MRE11: variants seen among roughly 807,000 people sequenced by gnomAD.
MRE11 encodes the protein double-strand break repair protein MRE11.
MRE11 carries 62 observed loss-of-function variants against 91.7 expected under a neutral mutation model. That is an observed-to-expected ratio of 0.68 (90% confidence interval 0.55 to 0.84). The LOEUF (loss-of-function observed/expected upper bound fraction) is 0.84. MRE11 is among the 40% of genes least tolerant of loss of function. MRE11 has a pLI of 0.00. For missense variants in MRE11, 796 were observed against 852.9 expected (o/e 0.93, Z 0.83); for synonymous variants, 273 against 271.4 (o/e 1.01, Z -0.06).
At position 94,419,966 on chromosome 11, in the gene MRE11, A is replaced by G. The variant is rs1411757660; in HGVS notation, c.*159T>C. 1 of 532,884 alleles carries G rather than the reference A, an allele frequency of 1.9e-6. No individual in the cohort carries two copies. Among genetic ancestry groups the G allele is most frequent in the African/African-American group, 1.9e-5 (1 of 52,814 alleles). 33.0% of individuals were successfully genotyped at this position (532,884 alleles called of 1,614,324 possible). The stretch of plus-strand genomic sequence containing the variant: ...ACTACAACAACCAGGTTAAAAAAAC[A>G]AGGTGAATCAATGCTATTGTATGTC... On this transcript the variant is annotated 3_prime_UTR_variant, in exon 20 of 20. Coordinates refer to ENST00000323929, the MANE Select transcript of MRE11 (RefSeq NM_005591.4).
chr11:94,505,889 A>G, the MRE11 span, among the ~76,000 whole-genome samples: 1 of 152,186 alleles, frequency 6.6e-6, no homozygotes, highest in Non-Finnish European at 1.5e-5. Flanking sequence ...ATACACAAAT[A>G]TTTCCCTTGT....
chr11:94,439,472 T>G (rs1016557085), intron 16 of MRE11, among the ~76,000 whole-genome samples: 28 of 152,366 alleles, frequency 1.8e-4, no homozygotes, highest in Middle Eastern at 3.4e-3. Flanking sequence ...CTTCATAATC[T>G]TATTGCAAAA....
chr11:94,436,421 T>A (rs1446747827), intron 17 of MRE11, among the ~76,000 whole-genome samples: 2 of 152,244 alleles, frequency 1.3e-5, no homozygotes, highest in African/African-American at 2.4e-5. Flanking sequence ...ATTTGATACA[T>A]ACATTTGCCA....
chr11:94,418,815 A>G lies in MRE11; in HGVS notation c.*1310T>C, dbSNP rs1481606305. 1.7e-5 allele frequency: 4 copies of G among 231,480 alleles called. No individual in the cohort carries two copies. In the East Asian group the frequency reaches 1.8e-4, roughly 11 times the overall value. The allele number at this position is 231,480 out of a possible 1,614,324, so 14.3% of individuals were successfully genotyped here. The stretch of plus-strand genomic sequence containing the variant: ...AGAAAAAATATTTTTAAGAAAGTCA[A>G]TAGAATGTTATATTGCAAGTTTTGA... On this transcript the variant is annotated 3_prime_UTR_variant, in exon 20 of 20. Transcript: ENST00000323929.
intron 19 of MRE11, among the ~76,000 whole-genome samples, chr11:94,423,425 A>T (rs1222887345): frequency 6.6e-6 from 1 of 152,204 alleles, no homozygotes; most frequent in Non-Finnish European, 1.5e-5. Context: ...CATGGAGCCC[A>T]GGGGTTTTCA....
At chr11:94,453,703 T>C (rs182777881) in intron 14 of MRE11, among the ~76,000 whole-genome samples, 2 of 152,362 alleles carry the variant, frequency 1.3e-5, no homozygotes, top group East Asian at 3.9e-4. Context: ...GTTTTAAAAA[T>C]ATATTCTGCT....
intron 14 of MRE11, among the ~76,000 whole-genome samples, chr11:94,453,398 GT>G (rs2134953141): frequency 6.6e-6 from 1 of 152,256 alleles, no homozygotes; most frequent in Admixed American, 6.5e-5. Flanking sequence ...AACTGCTATC[GT>G]TTTCCTCAGT....
the MRE11 span, among the ~76,000 whole-genome samples, chr11:94,511,696 T>A: frequency 0.014 from 2,170 of 152,316 alleles, 20 homozygotes; most frequent in Middle Eastern, 0.031. Context: ...CTATATTTGG[T>A]TGCAAGCCTT....
At chr11:94,479,325 G>T (rs1238540536) in intron 5 of MRE11, among the ~76,000 whole-genome samples, 1 of 152,092 alleles carries the variant, frequency 6.6e-6, no homozygotes, top group Non-Finnish European at 1.5e-5. Flanking sequence ...TAGATTTAAA[G>T]ATGGTCTTGA....
chr11:94,437,574 A>G (rs765855750), intron 16 of MRE11, among the ~76,000 whole-genome samples: 2 of 152,260 alleles, frequency 1.3e-5, no homozygotes, highest in African/African-American at 2.4e-5. Context: ...AAAGCCTCCT[A>G]ATCCCTTCTT....
Position 94,417,175 on chromosome 11 carries a change from A to G in MRE11, c.*2950T>C, listed in dbSNP as rs1245488244. ...GTATTTTTAGTAGAGACGAGGTTTC[A>G]CCATGTTGGCCAGGCTGGTCTCAAA... On this transcript the variant is annotated 3_prime_UTR_variant, in exon 20 of 20. Transcript: ENST00000323929. The G allele has an allele frequency of 2.4e-5, 4 of 169,154 alleles. No homozygotes were observed. Among genetic ancestry groups the G allele is most frequent in the South Asian group, 2.0e-4 (1 of 4,944 alleles). The allele number at this position is 169,154 out of a possible 1,614,324, so 10.5% of individuals were successfully genotyped here.
chr11:94,430,453 A>G (rs1221423351), intron 18 of MRE11, among the ~76,000 whole-genome samples: 2 of 151,960 alleles, frequency 1.3e-5, no homozygotes, highest in African/African-American at 4.8e-5. Context: ...ATCTCAGTTA[A>G]TAAGAAAATC....
Position 94,478,983 on chromosome 11 carries a change from C to T in MRE11, c.403-107G>A, listed in dbSNP as rs13447612. On this transcript the variant is annotated intron_variant, in intron 5 of 19. Coordinates refer to ENST00000323929, the MANE Select transcript of MRE11 (RefSeq NM_005591.4). ...ATACTCCATATTCTACTTACAAAAA[C>T]ATAGATGAGGATAGTGTCTTCTCAA... 24,797 of 1,246,152 alleles carry T rather than the reference C, an allele frequency of 0.02. 869 individuals are homozygous for T. The highest frequency in any genetic ancestry group is 0.13 in the African/African-American group (9,064 of 67,422). 77.2% of individuals were successfully genotyped at this position (1,246,152 alleles called of 1,614,324 possible).
the MRE11 span, among the ~76,000 whole-genome samples, chr11:94,506,313 TA>T: frequency 1.3e-5 from 2 of 151,270 alleles, no homozygotes; most frequent in African/African-American, 2.4e-5. Context: ...CCCCTGAACC[TA>T]AAAAAAAGTT....
At chr11:94,508,432 TTGA>T in the MRE11 span, among the ~76,000 whole-genome samples, 5 of 152,248 alleles carry the variant, frequency 3.3e-5, no homozygotes, top group African/African-American at 4.8e-5. Flanking sequence ...CTATTTTGAG[TTGA>T]TATTTGCATT....
In MRE11 at chr11:94,492,754, C is replaced by T. The variant is rs497763; in HGVS notation, c.20+28G>A. ...GACGAGCTTTAGAAACCCCAAATAA[C>T]AAGGGATTCCAGAAGTCAGGTGCTT... On this transcript the variant is annotated intron_variant, in intron 2 of 19. Coordinates refer to ENST00000323929, the MANE Select transcript of MRE11 (RefSeq NM_005591.4). 0.44 allele frequency: 712,063 copies of T among 1,610,794 alleles called. 159,703 individuals are homozygous for T. The highest frequency in any genetic ancestry group is 0.57 in the South Asian group (51,819 of 91,010).
At chr11:94,468,185 A>T (rs1170168069) in intron 9 of MRE11, among the ~76,000 whole-genome samples, 1 of 152,202 alleles carries the variant, frequency 6.6e-6, no homozygotes, top group African/African-American at 2.4e-5. Context: ...TCAGCTTACC[A>T]ACTTAAAACC....
chr11:94,504,119 A>C, the MRE11 span, among the ~76,000 whole-genome samples: 1 of 152,184 alleles, frequency 6.6e-6, no homozygotes, highest in Non-Finnish European at 1.5e-5. Context: ...ACAAAAGGGC[A>C]GGGAGAACCT....
At position 94,492,994 on chromosome 11, in the gene MRE11, G is replaced by A. The variant is rs1211862481; in HGVS notation, c.-105-88C>T. 3 of 593,418 alleles carry A rather than the reference G, an allele frequency of 5.1e-6. No homozygotes were observed. In the South Asian group the frequency reaches 6.6e-5, roughly 13 times the overall value. The allele number at this position is 593,418 out of a possible 1,614,324, so 36.8% of individuals were successfully genotyped here. The stretch of plus-strand genomic sequence containing the variant: ...GATTTACGCTGCACAAGGTACAGAC[G>A]TCTTAATTAGACTGGCAAATTTAGA... On this transcript the variant is annotated intron_variant, in intron 1 of 19. Coordinates refer to ENST00000323929, the MANE Select transcript of MRE11 (RefSeq NM_005591.4).
Sources: gnomAD v4.1 joint callset for allele counts (sites outside exome capture counted in the v4.1 genomes callset) on GRCh38, gnomAD v4.1.1 for gene constraint, MANE v1.5 for transcripts, NCBI Gene and HGNC (gene_info 2026-07-23, HGNC 2026-07-21) for gene names.